The following ABT1 variants were observed in gnomAD, a reference collection of about 807,000 sequenced individuals.
ABT1 encodes the protein activator of basal transcription 1.
A neutral mutation model predicts 14.0 loss-of-function variants in ABT1; 13 were observed. The observed-to-expected ratio is 0.93, with a 90% CI of 0.61 to 1.48. The LOEUF is 1.48. ABT1 is among the 40% of genes most tolerant of loss of function. ABT1 has a pLI of 0.00. For missense variants in ABT1, 430 were observed against 380.0 expected (o/e 1.13, Z -1.09); for synonymous variants, 165 against 144.6 (o/e 1.14, Z -1.01).
chr6:26,597,768 C>T (rs1381739767), intron 1 of ABT1, 146 bp from the exon 2 acceptor site: 7 of 710,856 alleles, frequency 9.8e-6, no homozygotes, highest in Non-Finnish European at 1.2e-5. Context: ...GGAAAGGGTG[C>T]GATTTACAGT....
Position 26,600,491 on chromosome 6 carries a change from T to C in ABT1, c.*1846T>C, listed in dbSNP as rs1316756442. On this transcript the variant is annotated 3_prime_UTR_variant, in exon 3 of 3. Coordinates refer to ENST00000274849, the MANE Select transcript of ABT1 (RefSeq NM_013375.4). ...TCCAAAACAGTTCTGTACAAAGAGC[T>C]CACACCTGCGGCCAGGCAAGCTAAG... 5 of 152,168 alleles carry C rather than the reference T, an allele frequency of 3.3e-5. No individual in the cohort carries two copies. The highest frequency in any genetic ancestry group is 7.3e-5 in the Non-Finnish European group (5 of 68,040). The allele number at this position is 152,168 out of a possible 1,614,324, so 9.4% of individuals were successfully genotyped here. A position where few individuals can be genotyped will look rare whatever the true frequency, so the allele number is the denominator to read the frequency against.
In ABT1 at chr6:26,598,092, T is replaced by A; in HGVS notation, c.420T>A (p.Tyr140Ter). Residue 140 changes from tyrosine (Y) to a stop codon, truncating the protein, a stop_gained, in exon 2 of 3, where the codon TAT becomes TAA. Transcript: ENST00000274849. LOFTEE classifies it low-confidence loss of function (END_TRUNC). ...CCCGCAGGCGCAGCCCCTTCCGTTATGATCTTTGGAACCTCAAGGTGAGAA... is the reference window on the plus strand; with the variant it reads ...CCCGCAGGCGCAGCCCCTTCCGTTAAGATCTTTGGAACCTCAAGGTGAGAA... ...MGARRRSPFR[Y>*]DLWNLKYLHR... 6.2e-7 allele frequency: 1 copy of A among 1,610,646 alleles called. No homozygotes were observed. Among genetic ancestry groups the A allele is most frequent in the Non-Finnish European group, 8.5e-7 (1 of 1,177,330 alleles).
rs1764949350 is a variant in ABT1, at chr6:26,599,549, C to T, written c.*904C>T. ...GGTGAGTCAGTCCTCACCAAGTTTT[C>T]CAGATCATTCCTACAAAGTAAACTG... On this transcript the variant is annotated 3_prime_UTR_variant, in exon 3 of 3. Coordinates refer to ENST00000274849, the MANE Select transcript of ABT1 (RefSeq NM_013375.4). 1 of 152,172 alleles carries T rather than the reference C, an allele frequency of 6.6e-6. No individual in the cohort carries two copies. Among genetic ancestry groups the T allele is most frequent in the Admixed American group, 6.5e-5 (1 of 15,278 alleles). The allele number at this position is 152,172 out of a possible 1,614,324, so 9.4% of individuals were successfully genotyped here.
chr6:26,597,867 G>A (rs2113625256), intron 1 of ABT1, 47 bp from the exon 2 acceptor site: 1 of 1,530,040 alleles, frequency 6.5e-7, no homozygotes, highest in East Asian at 2.3e-5. Context: ...GCTTTTGAGT[G>A]AGTGCTGCAT....
rs1310583518 is a variant in ABT1 at position 26,599,252 on chromosome 6, C to G, written c.*607C>G. The stretch of plus-strand genomic sequence containing the variant: ...GAGCCCCCCTCCCCCTGCCACCCAC[C>G]TTACTGTTTAACCTGGATTTTTTTT... On this transcript the variant is annotated 3_prime_UTR_variant, in exon 3 of 3. Coordinates refer to ENST00000274849, the MANE Select transcript of ABT1 (RefSeq NM_013375.4). 6.6e-6 allele frequency: 1 copy of G among 152,144 alleles called. No homozygotes were observed. Among genetic ancestry groups the G allele is most frequent in the African/African-American group, 2.4e-5 (1 of 41,422 alleles). 9.4% of individuals were successfully genotyped at this position (152,144 alleles called of 1,614,324 possible). A position where few individuals can be genotyped will look rare whatever the true frequency, so the allele number is the denominator to read the frequency against.
Position 26,598,426 on chromosome 6 carries a change from G to A in ABT1, c.600G>A (p.Gly200=). The A allele has an allele frequency of 6.2e-7, 1 of 1,614,236 alleles. No homozygotes were observed. Residue 200 remains glycine (G), a synonymous_variant, in exon 3 of 3, where the codon GGG becomes GGA. Transcript: ENST00000274849. ...GACAACGCTTTCTTGCGGCCGATGG[G>A]GACCCTGCTCGCCCAGATGGCTCCT... ...ERGQRFLAAD[G]DPARPDGSWT...
In ABT1 at chr6:26,597,161, T is replaced by C; in HGVS notation, c.179T>C (p.Leu60Pro). The C allele has an allele frequency of 6.2e-7, 1 of 1,614,240 alleles. No individual in the cohort carries two copies. The highest frequency in any genetic ancestry group is 8.5e-7 in the Non-Finnish European group (1 of 1,180,044). The change falls in exon 1 of 3, where the codon CTG becomes CCG. Residue 60 changes from leucine (L) to proline (P), a missense_variant. Physicochemically the swap from Leu to Pro is moderately conservative, Grantham distance 98. Transcript: ENST00000274849. ...CATATCCCGCCGCGCTTCCGGCCCC[T>C]GCACGTCCGCAACCTTCTCAGCGCC... The part of the protein sequence containing the change: ...LGHIPPRFRP[L>P]HVRNLLSAYG...
intron 1 of ABT1, 22 bp from the exon 2 acceptor site, chr6:26,597,892 G>T (rs781865612): frequency 6.3e-7 from 1 of 1,597,956 alleles, no homozygotes; most frequent in Non-Finnish European, 8.5e-7. Context: ...GTCCTGGACG[G>T]GTCTTTGTCT....
chr6:26,597,271 G>A lies in ABT1; in HGVS notation c.241+48G>A, dbSNP rs367703501. 23 of 1,597,320 alleles carry A rather than the reference G, an allele frequency of 1.4e-5. No homozygotes were observed. The African/African-American group carries it at 2.9e-4, about 20-fold the overall frequency. ...TGACAGGAGGAGGTTGTCGCTCGCT[G>A]GCGGGGTGCAAGCATGCATGTCCTG... On this transcript the variant is annotated intron_variant, in intron 1 of 2. Coordinates refer to ENST00000274849, the MANE Select transcript of ABT1 (RefSeq NM_013375.4).
At chr6:26,598,158 C>G in intron 2 of ABT1, 48 bp downstream of exon 2, 1 of 1,580,142 alleles carries the variant, frequency 6.3e-7, no homozygotes, top group South Asian at 1.2e-5. Context: ...CCCTTCTCCC[C>G]AACTCTGGCC....
In ABT1 at chr6:26,598,605, CAGAG is replaced by C; in HGVS notation, c.782_785del (p.Glu261AlafsTer32). ...AGGATCTTTGGAGCCCCGCCACCCT[CAGAG>C]AGCATGGAGGGACCTTCCCTTGTCA... is the stretch of plus-strand genomic sequence containing the variant. On this transcript the variant is annotated frameshift_variant, in exon 3 of 3. Transcript: ENST00000274849. LOFTEE classifies it low-confidence loss of function (END_TRUNC). 1 of 1,593,810 alleles carries C rather than the reference CAGAG, an allele frequency of 6.3e-7. No individual in the cohort carries two copies. The highest frequency in any genetic ancestry group is 8.6e-7 in the Non-Finnish European group (1 of 1,166,152).
In ABT1 at chr6:26,600,122, CT is replaced by C. The variant is rs1220538152; in HGVS notation, c.*1480del. 6.6e-6 allele frequency: 1 copy of C among 152,236 alleles called. No individual in the cohort carries two copies. The highest frequency in any genetic ancestry group is 1.5e-5 in the Non-Finnish European group (1 of 68,048). 9.4% of individuals were successfully genotyped at this position (152,236 alleles called of 1,614,324 possible). The stretch of plus-strand genomic sequence containing the variant: ...CACAAACTACGTTTCCATTTAGAAA[CT>C]TTCGTCTTGTTTCTGTTTTTAATTC... On this transcript the variant is annotated 3_prime_UTR_variant, in exon 3 of 3. Coordinates refer to ENST00000274849, the MANE Select transcript of ABT1 (RefSeq NM_013375.4).
At position 26,600,483 on chromosome 6, in the gene ABT1, CAA is replaced by C. The variant is rs1288429868; in HGVS notation, c.*1840_*1841del. ...GGTCCATCTCCAAAACAGTTCTGTACAAAGAGCTCACACCTGCGGCCAGGCAA... is the reference window on the plus strand; with the variant it reads ...GGTCCATCTCCAAAACAGTTCTGTACAGAGCTCACACCTGCGGCCAGGCAA... On this transcript the variant is annotated 3_prime_UTR_variant, in exon 3 of 3. Coordinates refer to ENST00000274849, the MANE Select transcript of ABT1 (RefSeq NM_013375.4). 6.6e-6 allele frequency: 1 copy of C among 152,168 alleles called. No individual in the cohort carries two copies. The highest frequency in any genetic ancestry group is 1.5e-5 in the Non-Finnish European group (1 of 68,042). 9.4% of individuals were successfully genotyped at this position (152,168 alleles called of 1,614,324 possible). A position where few individuals can be genotyped will look rare whatever the true frequency, so the allele number is the denominator to read the frequency against.
In ABT1 at chr6:26,597,936, GAA is replaced by G; in HGVS notation, c.265_266del (p.Lys89GlyfsTer25). 1.2e-6 allele frequency: 2 copies of G among 1,613,084 alleles called. No homozygotes were observed. Among genetic ancestry groups the G allele is most frequent in the Non-Finnish European group, 1.7e-6 (2 of 1,179,306 alleles). On this transcript the variant is annotated frameshift_variant, in exon 2 of 3. Transcript: ENST00000274849. LOFTEE classifies it high-confidence loss of function. ...CAGACCGGTTCGTGAGACGCAAGAA[GAA>G]GGCAGCAGCAGCTGCCGGAGGAAAA... ...AEDRFVRRKK[K>X]AAAAAGGKKR...
Position 26,597,915 on chromosome 6 carries a change from C to G in ABT1, c.243C>G (p.Asp81Glu). 5.0e-6 allele frequency: 8 copies of G among 1,609,558 alleles called. No individual in the cohort carries two copies. Among genetic ancestry groups the G allele is most frequent in the Non-Finnish European group, 6.8e-6 (8 of 1,177,072 alleles). Residue 81 changes from aspartate (D) to glutamate (E), a missense_variant and splice_region_variant, in exon 2 of 3, where the codon GAC (aspartate) becomes GAG (glutamate). Asp to Glu is a conservative substitution (Grantham distance 45). Coordinates refer to ENST00000274849, the MANE Select transcript of ABT1 (RefSeq NM_013375.4). ...CGGGTCTTTGTCTTTGGCGCGCAGA[C>G]CGGTTCGTGAGACGCAAGAAGAAGG... ...EVGRVFFQAE[D>E]RFVRRKKKAA... is the part of the protein sequence containing the mutation.
rs1561909576 is a variant in ABT1, at chr6:26,596,971, GTGTCAGTCAACA to G, written c.-9_3del. ...GCACTTTACGGCCGTCGTGCCGCTC[GTGTCAGTCAACA>G]TGGAGGCAGAGGAATCGGAGAAGGC... On this transcript the variant is annotated start_lost and 5_prime_UTR_variant, in exon 1 of 3. Transcript: ENST00000274849. 6.2e-7 allele frequency: 1 copy of G among 1,606,544 alleles called. No individual in the cohort carries two copies. The highest frequency in any genetic ancestry group is 8.5e-7 in the Non-Finnish European group (1 of 1,176,910).
chr6:26,599,003 T>G lies in ABT1; in HGVS notation c.*358T>G, dbSNP rs1450794878. On this transcript the variant is annotated 3_prime_UTR_variant, in exon 3 of 3. Transcript: ENST00000274849. ...AGGATAATGCCTAGTCCAGGCAATCTTTCTCTGTTTAGCAGTCACAGGTGA... is the reference window on the plus strand; with the variant it reads ...AGGATAATGCCTAGTCCAGGCAATCGTTCTCTGTTTAGCAGTCACAGGTGA... 5.1e-6 allele frequency: 1 copy of G among 194,968 alleles called. No individual in the cohort carries two copies. The highest frequency in any genetic ancestry group is 5.6e-5 in the Admixed American group (1 of 17,712). 12.1% of individuals were successfully genotyped at this position (194,968 alleles called of 1,614,324 possible). A position where few individuals can be genotyped will look rare whatever the true frequency, so the allele number is the denominator to read the frequency against.
chr6:26,597,234 A>T lies in ABT1; in HGVS notation c.241+11A>T, dbSNP rs782211620. 5 of 1,612,340 alleles carry T rather than the reference A, an allele frequency of 3.1e-6. No homozygotes were observed. In the East Asian group the frequency reaches 8.9e-5, roughly 29 times the overall value. ...TCTTTCAGGCTGAGGGTAAGTATGCAGGCCCTGACGGTGACAGGAGGAGGT... is the reference window on the plus strand; with the variant it reads ...TCTTTCAGGCTGAGGGTAAGTATGCTGGCCCTGACGGTGACAGGAGGAGGT... On this transcript the variant is annotated intron_variant, in intron 1 of 2. Coordinates refer to ENST00000274849, the MANE Select transcript of ABT1 (RefSeq NM_013375.4).
rs1286838744 is a variant in ABT1, at chr6:26,600,649, C to T, written c.*2004C>T. ...ATCCACAATTTTGTTTCTATTTAAA[C>T]AGCACTTGTTTTTTTATATGAAGTA... On this transcript the variant is annotated 3_prime_UTR_variant, in exon 3 of 3. Transcript: ENST00000274849. The T allele has an allele frequency of 6.6e-6, 1 of 152,172 alleles. No homozygotes were observed. Among genetic ancestry groups the T allele is most frequent in the Non-Finnish European group, 1.5e-5 (1 of 68,018 alleles). The allele number at this position is 152,172 out of a possible 1,614,324, so 9.4% of individuals were successfully genotyped here.
Sources: allele counts gnomAD v4.1 joint callset, GRCh38; gene constraint gnomAD v4.1.1; transcripts MANE v1.5; gene names NCBI Gene and HGNC (gene_info 2026-07-23, HGNC 2026-07-21).